The following MAP2 variants were observed in gnomAD, a reference collection of about 807,000 sequenced individuals.
The protein encoded by MAP2 is microtubule associated protein 2, also known as microtubule-associated protein 2.
A neutral mutation model predicts 137.6 loss-of-function variants in MAP2; 14 were observed. That is an observed-to-expected ratio of 0.10 (90% CI 0.07 to 0.16). MAP2 has a LOEUF of 0.16. Among genes scored for constraint, MAP2 ranks in the 10% least tolerant of loss-of-function variants. MAP2 has a pLI of 1.00. For missense variants in MAP2, 2,088 were observed against 2,191.5 expected (o/e 0.95, Z 0.94); for synonymous variants, 786 against 782.3 (o/e 1.00, Z -0.08).
At chr2:209,432,040 G>A (rs141835645) in intron 1 of MAP2, among the ~76,000 whole-genome samples, 273 of 152,246 alleles carry the variant, frequency 1.8e-3, no homozygotes, top group African/African-American at 6.3e-3. Context: ...CTGTGAGCTT[G>A]AACTATCCAT....
intron 2 of MAP2, among the ~76,000 whole-genome samples, chr2:209,541,177 C>A (rs1410360126): frequency 6.6e-6 from 1 of 150,994 alleles, no homozygotes; most frequent in Non-Finnish European, 1.5e-5. Flanking sequence ...ATTACAGGCA[C>A]CTGCCATCAT....
chr2:209,481,966 A>G (rs1708888671), intron 1 of MAP2, among the ~76,000 whole-genome samples: 1 of 152,112 alleles, frequency 6.6e-6, no homozygotes, highest in African/African-American at 2.4e-5. Context: ...CTCTTCATTT[A>G]TTTCAGAATA....
At chr2:209,572,988 A>G (rs1380045453) in intron 2 of MAP2, among the ~76,000 whole-genome samples, 1 of 152,160 alleles carries the variant, frequency 6.6e-6, no homozygotes, top group Non-Finnish European at 1.5e-5. Context: ...TTGTCCATGT[A>G]AAAGAAATTT....
At chr2:209,544,602 A>G (rs1459319029) in intron 2 of MAP2, among the ~76,000 whole-genome samples, 2 of 152,202 alleles carry the variant, frequency 1.3e-5, no homozygotes, top group Non-Finnish European at 2.9e-5. Flanking sequence ...ATGAAGCCGC[A>G]TCTCTCTTCT....
intron 3 of MAP2, among the ~76,000 whole-genome samples, chr2:209,609,575 G>A (rs1356535000): frequency 6.6e-6 from 1 of 152,100 alleles, no homozygotes; most frequent in Non-Finnish European, 1.5e-5. Context: ...TTTCATATAA[G>A]TAATACAATA....
intron 3 of MAP2, among the ~76,000 whole-genome samples, chr2:209,615,555 G>A (rs2088944131): frequency 6.6e-6 from 1 of 152,146 alleles, no homozygotes; most frequent in South Asian, 2.1e-4. Flanking sequence ...AATTGTCAAA[G>A]CATTTTTCCA....
At chr2:209,653,072 T>C (rs947300698) in intron 4 of MAP2, 70 bp from the exon 5 acceptor site, 3 of 1,271,314 alleles carry the variant, frequency 2.4e-6, no homozygotes, top group Admixed American at 6.3e-5. Flanking sequence ...AAATTTTTCC[T>C]ATCTTGGTAC....
chr2:209,631,261 G>C (rs1397019878), intron 4 of MAP2, among the ~76,000 whole-genome samples: 2 of 152,038 alleles, frequency 1.3e-5, no homozygotes, highest in Non-Finnish European at 2.9e-5. Context: ...AGATGTGCGG[G>C]TATGTGGGTG....
intron 5 of MAP2, among the ~76,000 whole-genome samples, chr2:209,672,217 G>A (rs2049142934): frequency 6.6e-6 from 1 of 151,736 alleles, no homozygotes. Context: ...GTTCCTTTTA[G>A]TTTAAATAAT....
At chr2:209,670,316 T>G (rs2153660875) in intron 5 of MAP2, among the ~76,000 whole-genome samples, 1 of 152,098 alleles carries the variant, frequency 6.6e-6, no homozygotes, top group East Asian at 1.9e-4. Flanking sequence ...CAGAACACTT[T>G]AACTAGAACA....
intron 11 of MAP2, chr2:209,703,958 A>C (rs1325050697): frequency 4.4e-6 from 2 of 455,486 alleles, no homozygotes; most frequent in South Asian, 3.1e-5. Flanking sequence ...TTATTTGTAT[A>C]ACAGATTTTT....
chr2:209,625,350 A>T (rs1368668668), intron 4 of MAP2, among the ~76,000 whole-genome samples: 1 of 152,174 alleles, frequency 6.6e-6, no homozygotes, highest in Non-Finnish European at 1.5e-5. Flanking sequence ...TAGTAAGAAA[A>T]TGACAAGCTC....
chr2:209,504,330 G>A (rs976020668), intron 1 of MAP2, among the ~76,000 whole-genome samples: 4 of 152,016 alleles, frequency 2.6e-5, no homozygotes, highest in African/African-American at 7.2e-5. Context: ...GGGAGTGCAC[G>A]TAGAAGAAAT....
At chr2:209,434,763 A>G (rs1695242324) in intron 1 of MAP2, among the ~76,000 whole-genome samples, 1 of 149,882 alleles carries the variant, frequency 6.7e-6, no homozygotes, top group African/African-American at 2.4e-5. Flanking sequence ...TTAAGGCTAC[A>G]GTGAGCTATG....
chr2:209,438,371 C>T (rs759737739), intron 1 of MAP2, among the ~76,000 whole-genome samples: 9 of 151,428 alleles, frequency 5.9e-5, no homozygotes, highest in Non-Finnish European at 8.9e-5. Context: ...TTATTTTTTG[C>T]ATTACAAAAT....
intron 7 of MAP2, among the ~76,000 whole-genome samples, chr2:209,687,904 A>G (rs1187682012): frequency 6.6e-6 from 1 of 152,122 alleles, no homozygotes; most frequent in African/African-American, 2.4e-5. Flanking sequence ...GACCACCTCT[A>G]GTGTGCTCCC....
intron 5 of MAP2, among the ~76,000 whole-genome samples, chr2:209,665,067 C>T (rs957389563): frequency 1.3e-5 from 2 of 149,936 alleles, no homozygotes; most frequent in African/African-American, 2.5e-5. Context: ...AAAGTAAGGA[C>T]TTTAAAAGTG....
At position 209,694,066 on chromosome 2, in the gene MAP2, A is replaced by T; in HGVS notation, c.1896A>T (p.Ala632=). 6.2e-7 allele frequency: 1 copy of T among 1,613,384 alleles called. No individual in the cohort carries two copies. Among genetic ancestry groups the T allele is most frequent in the Non-Finnish European group, 8.5e-7 (1 of 1,179,788 alleles). ...TGKESQPSPP[A]QEAGYSTLAQ... is the part of the protein sequence containing the mutation. ...AAGAATCCCAGCCCAGTCCTCCAGC[A>T]CAAGAAGCAGGGTACAGCACTCTCG... is the stretch of plus-strand genomic sequence containing the variant. Residue 632 remains alanine, a synonymous_variant, in exon 8 of 16, where the codon GCA becomes GCT. Coordinates refer to ENST00000682079, the MANE Select transcript of MAP2 (RefSeq NM_001375505.1).
Position 209,693,954 on chromosome 2 carries a change from T to C in MAP2, c.1784T>C (p.Leu595Pro), listed in dbSNP as rs1309298074. 6.2e-7 allele frequency: 1 copy of C among 1,613,674 alleles called. No homozygotes were observed. Among genetic ancestry groups the C allele is most frequent in the Non-Finnish European group, 8.5e-7 (1 of 1,179,910 alleles). Reference sequence around the variant, plus strand: ...GAGCCAGGCAGTGATTACTATGAACTGAGTGACACTAGAGAAAGTGTCCAT... The same window carrying C: ...GAGCCAGGCAGTGATTACTATGAACCGAGTGACACTAGAGAAAGTGTCCAT... Reference protein sequence around the residue: ...SIEPGSDYYELSDTRESVHES... With the variant: ...SIEPGSDYYEPSDTRESVHES... The change falls in exon 8 of 16, where the codon CTG becomes CCG. Residue 595 changes from leucine to proline, a missense_variant. Leu to Pro is a moderately conservative substitution (Grantham distance 98). Coordinates refer to ENST00000682079, the MANE Select transcript of MAP2 (RefSeq NM_001375505.1).
Sources: gnomAD v4.1 joint callset for allele counts (sites outside exome capture counted in the v4.1 genomes callset) on GRCh38, gnomAD v4.1.1 for gene constraint, MANE v1.5 for transcripts, NCBI Gene and HGNC (gene_info 2026-07-23, HGNC 2026-07-21) for gene names.